Variants in BBS2 observed in about 807,000 individuals in gnomAD.
The protein encoded by BBS2 is Bardet-Biedl syndrome 2.
A neutral mutation model predicts 83.0 loss-of-function variants in BBS2; 62 were observed. That is an observed-to-expected ratio of 0.75 (90% CI 0.61 to 0.92). BBS2 has a LOEUF of 0.92. BBS2 is among the 40% of genes least tolerant of loss of function. BBS2 has a pLI of 0.00. For synonymous variants in BBS2, 303 were observed against 326.1 expected, an observed-to-expected ratio of 0.93 and a Z score of 0.76; for missense variants, 784 against 901.0, an observed-to-expected ratio of 0.87 and a Z score of 1.66.
chr16:56,518,232 T>C (rs1438343204), intron 1 of BBS2, among the ~76,000 whole-genome samples: 1 of 152,212 alleles, frequency 6.6e-6, no homozygotes, highest in Non-Finnish European at 1.5e-5. Flanking sequence ...TTTACTTCTG[T>C]ATCCCAAGGC....
At chr16:56,490,976 C>T (rs13330910) in intron 15 of BBS2, among the ~76,000 whole-genome samples, 104,020 of 151,710 alleles carry the variant, frequency 0.69, 37,510 homozygotes, top group African/African-American at 0.92. Flanking sequence ...TTAGTCAGGA[C>T]GGTCTCGATC....
At chr16:56,513,693 T>A (rs1433294948) in intron 2 of BBS2, among the ~76,000 whole-genome samples, 1 of 152,114 alleles carries the variant, frequency 6.6e-6, no homozygotes, top group Non-Finnish European at 1.5e-5. Context: ...GTTAGGAGGT[T>A]AAAGAAAAAT....
chr16:56,499,835 G>A lies in BBS2; in HGVS notation c.1470C>T (p.Asp490=), dbSNP rs370024579. The A allele has an allele frequency of 6.1e-5, 98 of 1,614,020 alleles. No homozygotes were observed. The highest frequency in any genetic ancestry group is 7.8e-5 in the Non-Finnish European group (92 of 1,180,010). The stretch of plus-strand genomic sequence containing the variant: ...CATAACTGATTGGCTCACTGGCAGG[G>A]TCCAGGCTGGTCAGCGCATACATGG... ...RFSMYALTSL[D]PASEPISYVN... Residue 490 remains aspartate, a synonymous_variant, in exon 12 of 17, where the codon GAC becomes GAT. Coordinates refer to ENST00000245157, the MANE Select transcript of BBS2 (RefSeq NM_031885.5).
chr16:56,505,592 T>A (rs976645738), intron 7 of BBS2, among the ~76,000 whole-genome samples: 2 of 152,234 alleles, frequency 1.3e-5, no homozygotes, highest in Non-Finnish European at 2.9e-5. Context: ...TCAGGCAGTT[T>A]TGAAGATGTA....
At chr16:56,519,259 A>G (rs1229430008) in intron 1 of BBS2, among the ~76,000 whole-genome samples, 12 of 143,526 alleles carry the variant, frequency 8.4e-5, no homozygotes, top group Admixed American at 4.4e-4. Context: ...GGAACCCGGG[A>G]GGCGGAGGCT....
At chr16:56,480,369 A>AAAAAAAAAAAAAAAC (rs1963639810), downstream of BBS2, among the ~76,000 whole-genome samples, 4 of 145,474 alleles carry the variant, frequency 2.7e-5, no homozygotes, top group African/African-American at 1.0e-4. Context: ...AAAAAAACAA[A>AAAAAAAAAAAAAAAC]AAAAAAAACA....
chr16:56,491,147 C>T (rs1356100255), intron 15 of BBS2, among the ~76,000 whole-genome samples: 12 of 152,132 alleles, frequency 7.9e-5, no homozygotes, highest in Non-Finnish European at 1.5e-4. Flanking sequence ...TCATATCACA[C>T]GTAAGAGATT....
intron 1 of BBS2, 90 bp from the exon 2 acceptor site, chr16:56,514,770 TC>T: frequency 1.0e-6 from 1 of 962,178 alleles, no homozygotes; most frequent in Non-Finnish European, 1.6e-6. Context: ...TATTAACACA[TC>T]CACATTAACA....
intron 1 of BBS2, among the ~76,000 whole-genome samples, chr16:56,515,427 G>A (rs946798465): frequency 2.0e-5 from 3 of 152,096 alleles, no homozygotes; most frequent in Non-Finnish European, 2.9e-5. Context: ...GTAGCCCTTC[G>A]CAGGACCACA....
At chr16:56,483,928 T>C (rs1434043232), downstream of BBS2, among the ~76,000 whole-genome samples, 3 of 152,032 alleles carry the variant, frequency 2.0e-5, no homozygotes, top group African/African-American at 7.2e-5. Context: ...CTCAAACTCC[T>C]GACCTCAGGG....
rs771700269 is a variant in BBS2, at chr16:56,514,452, C to T, written c.345+1G>A. 1.2e-6 allele frequency: 2 copies of T among 1,612,894 alleles called. No individual in the cohort carries two copies. The highest frequency in any genetic ancestry group is 2.7e-5 in the African/African-American group (2 of 74,856). ...TTTATGGTTATAAAGGTTATACTTGCCTCTCTGTAGAACAAATCCGAATTA... is the reference window on the plus strand; with the variant it reads ...TTTATGGTTATAAAGGTTATACTTGTCTCTCTGTAGAACAAATCCGAATTA... On this transcript the variant is annotated splice_donor_variant, in intron 2 of 16. Coordinates refer to ENST00000245157, the MANE Select transcript of BBS2 (RefSeq NM_031885.5). LOFTEE classifies it high-confidence loss of function.
At chr16:56,487,797 C>A (rs1160133706) in intron 15 of BBS2, among the ~76,000 whole-genome samples, 1 of 152,028 alleles carries the variant, frequency 6.6e-6, no homozygotes, top group Non-Finnish European at 1.5e-5. Context: ...CTAGGAAAAA[C>A]CATGAAAAAG....
At chr16:56,470,726 G>A (rs1385034908) in intron 17 of BBS2, 12 of 1,613,784 alleles carry the variant, frequency 7.4e-6, no homozygotes, top group African/African-American at 1.3e-5. Flanking sequence ...ATGGCCATCA[G>A]CAACAACAGC....
intron 4 of BBS2, among the ~76,000 whole-genome samples, chr16:56,510,635 C>G (rs1255087151): frequency 6.6e-6 from 1 of 152,222 alleles, no homozygotes; most frequent in Non-Finnish European, 1.5e-5. Flanking sequence ...TCCTGTGTCT[C>G]TGAAACACCA....
rs1597001788 is a variant in BBS2 at position 56,485,662 on chromosome 16, T to TA, written c.1986dup (p.Asn663Ter). 1.1e-5 allele frequency: 17 copies of TA among 1,614,056 alleles called. No homozygotes were observed. The highest frequency in any genetic ancestry group is 1.4e-5 in the Non-Finnish European group (16 of 1,179,994). On this transcript the variant is annotated frameshift_variant, in exon 16 of 17. Coordinates refer to ENST00000245157, the MANE Select transcript of BBS2 (RefSeq NM_031885.5). LOFTEE classifies it high-confidence loss of function. ...TTTCCCAACAGCTCTGTGTGATTGT[T>TA]ACAGCGAATTTTATATCCATTTAGC...
At chr16:56,471,081 G>A (rs554070394) in intron 17 of BBS2, among the ~76,000 whole-genome samples, 3 of 152,050 alleles carry the variant, frequency 2.0e-5, no homozygotes, top group Non-Finnish European at 4.4e-5. Context: ...GCCAGGTGCG[G>A]TGGCTTACAC....
chr16:56,502,287 T>C (rs372215580), intron 9 of BBS2, 30 bp downstream of exon 9: 8 of 1,613,858 alleles, frequency 5.0e-6, no homozygotes, highest in Non-Finnish European at 6.8e-6. Context: ...TCAGCCTCCA[T>C]TACCTGGTCA....
intron 7 of BBS2, among the ~76,000 whole-genome samples, chr16:56,505,183 A>T (rs992351801): frequency 6.6e-6 from 1 of 152,232 alleles, no homozygotes; most frequent in African/African-American, 2.4e-5. Flanking sequence ...GCAACTATAC[A>T]GTCTTATAAT....
At chr16:56,478,089 C>T (rs1263856729) in intron 17 of BBS2, 1 of 152,144 alleles carries the variant, frequency 6.6e-6, no homozygotes, top group Non-Finnish European at 1.5e-5. Flanking sequence ...ATATCTAGAA[C>T]TAGTTCTAAC....
Sources: gnomAD v4.1 joint callset for allele counts (sites outside exome capture counted in the v4.1 genomes callset) on GRCh38, gnomAD v4.1.1 for gene constraint, MANE v1.5 for transcripts, NCBI Gene and HGNC (gene_info 2026-07-23, HGNC 2026-07-21) for gene names.